The following RAB8B variants were observed in gnomAD, a reference collection of about 807,000 sequenced individuals.
The protein encoded by RAB8B is RAB8B, member RAS oncogene family.
Under a neutral mutation model 32.0 loss-of-function variants are expected in RAB8B, and 11 were observed. The ratio of observed to expected loss-of-function variants is 0.34; its 90% CI spans 0.22 to 0.57. RAB8B has a LOEUF of 0.57. Ranked by LOEUF, RAB8B falls within the 20% of genes least tolerant of loss-of-function variation. RAB8B has a pLI of 0.86. For missense variants in RAB8B, 190 were observed against 258.5 expected (o/e 0.73, Z 1.82); for synonymous variants, 103 against 89.6 (o/e 1.15, Z -0.85).
chr15:63,190,493 CAGAGGAGATGGAAAAG>C (rs906724557), intron 1 of RAB8B, among the ~76,000 whole-genome samples: 84 of 152,066 alleles, frequency 5.5e-4, no homozygotes, highest in African/African-American at 2.0e-3. Flanking sequence ...GCAGAGAAGA[CAGAGGAGATGGAAAAG>C]AGAGGAAATG....
intron 1 of RAB8B, among the ~76,000 whole-genome samples, chr15:63,208,000 C>T (rs2037713369): frequency 6.6e-6 from 1 of 152,220 alleles, no homozygotes; most frequent in Non-Finnish European, 1.5e-5. Context: ...CTTCCAGTCT[C>T]ATTTGGGCAG....
Position 63,259,051 on chromosome 15 carries a change from TC to T in RAB8B, c.415-573del, listed in dbSNP as rs34843994. The stretch of plus-strand genomic sequence containing the variant: ...GCTACCTTAGGAGGGTGGGTATTTA[TC>T]CCATATTAGAGAACTAAAAGTACAA... On this transcript the variant is annotated intron_variant, in intron 5 of 7. Coordinates refer to ENST00000321437, the MANE Select transcript of RAB8B (RefSeq NM_016530.3). The surrounding 1 kb of genome is among the most constrained non-coding windows in gnomAD (Gnocchi z 4.4). Among the ~76,000 whole-genome samples the T allele has an allele frequency of 1.2e-3, 183 of 152,154 alleles. 2 individuals are homozygous for T. The highest frequency in any genetic ancestry group is 0.01 in the Admixed American group (153 of 15,276).
At chr15:63,207,214 G>T (rs1294168777) in intron 1 of RAB8B, among the ~76,000 whole-genome samples, 6 of 152,156 alleles carry the variant, frequency 3.9e-5, no homozygotes, top group African/African-American at 1.4e-4. Flanking sequence ...TCTCCTGCCA[G>T]ATTGTAAACT....
In RAB8B at chr15:63,259,647, T is replaced by C. The variant is rs942605627; in HGVS notation, c.435T>C (p.Ile145=). 1 of 1,613,886 alleles carries C rather than the reference T, an allele frequency of 6.2e-7. No homozygotes were observed. The highest frequency in any genetic ancestry group is 2.2e-5 in the East Asian group (1 of 44,880). The change falls in exon 6 of 8, where the codon ATT becomes ATC. Residue 145 remains isoleucine, a synonymous_variant. Transcript: ENST00000321437. The surrounding 1 kb of genome is among the most constrained non-coding windows in gnomAD (Gnocchi z 4.4). ...TTCAGCTAGCAATTGACTATGGGATTAAATTCTTGGAGACAAGCGCAAAAT... is the reference window on the plus strand; with the variant it reads ...TTCAGCTAGCAATTGACTATGGGATCAAATTCTTGGAGACAAGCGCAAAAT... ...RGEKLAIDYG[I]KFLETSAKSS...
rs138783146 is a variant in RAB8B at position 63,223,721 on chromosome 15, G to A, written c.125-21035G>A. The stretch of plus-strand genomic sequence containing the variant: ...ACTTGTACTGGTTGTTAAGTGACAC[G>A]TGACTGTACTTGGTTGTTAAGTGAC... On this transcript the variant is annotated intron_variant, in intron 1 of 7. Coordinates refer to ENST00000321437, the MANE Select transcript of RAB8B (RefSeq NM_016530.3). The A allele has an allele frequency of 1.2e-3, 300 of 250,748 alleles. 4 individuals are homozygous for A. The highest frequency in any genetic ancestry group is 6.4e-3 in the African/African-American group (286 of 44,894). 15.5% of individuals were successfully genotyped at this position (250,748 alleles called of 1,614,324 possible). A position where few individuals can be genotyped will look rare whatever the true frequency, so the allele number is the denominator to read the frequency against.
intron 1 of RAB8B, among the ~76,000 whole-genome samples, chr15:63,227,145 G>A (rs764299610): frequency 1.3e-4 from 20 of 152,108 alleles, no homozygotes; most frequent in Non-Finnish European, 2.8e-4. Context: ...CTCATCCTGT[G>A]ACTTAGAATG....
rs142337137 is a variant in RAB8B at position 63,189,740 on chromosome 15, C to G, written c.116C>G (p.Ser39Cys). The G allele has an allele frequency of 6.2e-6, 10 of 1,611,576 alleles. No homozygotes were observed. The highest frequency in any genetic ancestry group is 8.5e-6 in the Non-Finnish European group (10 of 1,179,094). Residue 39 changes from serine to cysteine, a missense_variant, in exon 1 of 8, where the codon TCC becomes TGC. By Grantham distance (112) the Ser-to-Cys change is moderately radical (BLOSUM62 -1). Coordinates refer to ENST00000321437, the MANE Select transcript of RAB8B (RefSeq NM_016530.3). Reference protein sequence around the residue: ...SEDAFNTTFISTIGIDFKIRT... With the variant: ...SEDAFNTTFICTIGIDFKIRT... ...GACGCCTTCAACACCACCTTCATCT[C>G]CACCATCGGTGAGGGAGGGGCCGCG...
rs1171512999 is a variant in RAB8B at position 63,248,764 on chromosome 15, T to C, written c.186-881T>C. On this transcript the variant is annotated intron_variant, in intron 2 of 7. Coordinates refer to ENST00000321437, the MANE Select transcript of RAB8B (RefSeq NM_016530.3). The surrounding 1 kb of genome is among the most constrained non-coding windows in gnomAD (Gnocchi z 4.4). ...CTTATGATATTCCCTTGGGCCTTCA[T>C]CTTTTATTAGGATTTGGTATATACT... 1.3e-5 allele frequency among the ~76,000 whole-genome samples: 2 copies of C among 152,200 alleles called. No individual in the cohort carries two copies. The highest frequency in any genetic ancestry group is 2.9e-5 in the Non-Finnish European group (2 of 68,034).
At chr15:63,226,261 A>C (rs1374934400) in intron 1 of RAB8B, among the ~76,000 whole-genome samples, 1 of 152,048 alleles carries the variant, frequency 6.6e-6, no homozygotes. Flanking sequence ...GTGGTTGAGC[A>C]CTCTTTAGCC....
intron 1 of RAB8B, among the ~76,000 whole-genome samples, chr15:63,215,809 G>A (rs1432313184): frequency 2.0e-5 from 3 of 152,130 alleles, no homozygotes; most frequent in Non-Finnish European, 4.4e-5. Context: ...GGCTGAGGCA[G>A]GATGATTGTT....
intron 5 of RAB8B, among the ~76,000 whole-genome samples, chr15:63,258,546 T>C (rs555680498): frequency 9.2e-5 from 14 of 152,306 alleles, no homozygotes; most frequent in Non-Finnish European, 7.4e-5. Context: ...AGCAAAGAAT[T>C]GGACAAAATG....
chr15:63,205,152 T>C (rs1381988571), intron 1 of RAB8B, among the ~76,000 whole-genome samples: 1 of 152,038 alleles, frequency 6.6e-6, no homozygotes, highest in Non-Finnish European at 1.5e-5. Flanking sequence ...CAAAAAAAGT[T>C]AGCAGGGCAT....
chr15:63,264,889 C>G lies in RAB8B; in HGVS notation c.*1270C>G, dbSNP rs2038233053. On this transcript the variant is annotated 3_prime_UTR_variant, in exon 8 of 8. Transcript: ENST00000321437. Reference sequence around the variant, plus strand: ...TTCCATCTGTTTTGGTTCATTGTTACAGAACTTAGTCCAGTCATTTGGGCT... The same window carrying G: ...TTCCATCTGTTTTGGTTCATTGTTAGAGAACTTAGTCCAGTCATTTGGGCT... 1 of 152,616 alleles carries G rather than the reference C, an allele frequency of 6.6e-6. No individual in the cohort carries two copies. Among genetic ancestry groups the G allele is most frequent in the Non-Finnish European group, 1.5e-5 (1 of 68,042 alleles). The allele number at this position is 152,616 out of a possible 1,614,324, so 9.5% of individuals were successfully genotyped here.
intron 1 of RAB8B, among the ~76,000 whole-genome samples, chr15:63,218,033 T>C (rs946146964): frequency 6.6e-6 from 1 of 152,186 alleles, no homozygotes; most frequent in Non-Finnish European, 1.5e-5. Flanking sequence ...AGTTCCTTTT[T>C]GCCTTTTTTC....
chr15:63,194,931 A>T (rs1276021357), intron 1 of RAB8B, among the ~76,000 whole-genome samples: 1 of 152,262 alleles, frequency 6.6e-6, no homozygotes. Flanking sequence ...GTTACTTAAA[A>T]TTAAAAACTA....
At position 63,250,607 on chromosome 15, in the gene RAB8B, G is replaced by C. The variant is rs571826477; in HGVS notation, c.246+902G>C. Among the ~76,000 whole-genome samples, 55 of 152,020 alleles carry C rather than the reference G, an allele frequency of 3.6e-4. No individual in the cohort carries two copies. In the South Asian group the frequency reaches 0.011, roughly 31 times the overall value. On this transcript the variant is annotated intron_variant, in intron 3 of 7. Transcript: ENST00000321437. ...GCACTTTTATTGCTTTTTGGCTCTG[G>C]GCAGTGTGATGCTGGGAGTGCAGTG...
At chr15:63,216,633 C>T (rs1274181810) in intron 1 of RAB8B, among the ~76,000 whole-genome samples, 9 of 151,634 alleles carry the variant, frequency 5.9e-5, no homozygotes, top group African/African-American at 1.5e-4. Context: ...GAGGCCAAGG[C>T]GGGCAGATCA....
chr15:63,238,915 A>G (rs1381014313), intron 1 of RAB8B, among the ~76,000 whole-genome samples: 1 of 152,196 alleles, frequency 6.6e-6, no homozygotes, highest in Non-Finnish European at 1.5e-5. Flanking sequence ...ATGAAGGAAA[A>G]CTTGTTGGAG....
At chr15:63,241,777 G>A (rs958454520) in intron 1 of RAB8B, among the ~76,000 whole-genome samples, 4 of 152,214 alleles carry the variant, frequency 2.6e-5, no homozygotes, top group Non-Finnish European at 4.4e-5. Flanking sequence ...GAGAGGTAAA[G>A]GATAGAGGAG....
Sources: allele counts gnomAD v4.1 joint callset (sites outside exome capture counted in the v4.1 genomes callset), GRCh38; gene constraint gnomAD v4.1.1; non-coding constraint Gnocchi (gnomAD v3.1); transcripts MANE v1.5; gene names NCBI Gene and HGNC (gene_info 2026-07-23, HGNC 2026-07-21).